The following ACSS3 variants were observed in gnomAD, a reference collection of about 807,000 sequenced individuals.
ACSS3 encodes acyl-CoA synthetase short chain family member 3, also known as acyl-CoA synthetase short-chain family member 3, mitochondrial.
Under a neutral mutation model 84.2 loss-of-function variants are expected in ACSS3, and 64 were observed. The observed-to-expected ratio is 0.76, with a 90% CI of 0.62 to 0.94. ACSS3 has a LOEUF of 0.94. ACSS3 is among the 40% of genes least tolerant of loss of function. The pLI is 0.00. For synonymous variants in ACSS3, 317 were observed against 310.1 expected, an observed-to-expected ratio of 1.02 and a Z score of -0.23; for missense variants, 815 against 867.6, an observed-to-expected ratio of 0.94 and a Z score of 0.76.
intron 9 of ACSS3, among the ~76,000 whole-genome samples, chr12:81,201,878 G>A (rs750778790): frequency 6.6e-6 from 1 of 152,142 alleles, no homozygotes; most frequent in Non-Finnish European, 1.5e-5. Context: ...CATTATAGGT[G>A]ATGCAGAGGT....
chr12:81,195,358 T>G (rs1299312431), intron 8 of ACSS3, among the ~76,000 whole-genome samples: 1 of 152,056 alleles, frequency 6.6e-6, no homozygotes, highest in African/African-American at 2.4e-5. Flanking sequence ...TTTAAAGTTA[T>G]AGGTATATCA....
chr12:81,199,563 G>C (rs2032007418), intron 9 of ACSS3, 119 bp downstream of exon 9: 1 of 1,463,854 alleles, frequency 6.8e-7, no homozygotes, highest in East Asian at 2.5e-5. Flanking sequence ...GATTCGAGTG[G>C]TTCAGGTTTC....
rs879451058 is a variant in ACSS3 at position 81,102,064 on chromosome 12, CACACAT to C, written c.312-7494_312-7489del. ...GCACACGCACACACACACACACACA[CACACAT>C]ATTCTAGCACATACATATATATATA... On this transcript the variant is annotated intron_variant, in intron 1 of 15. Coordinates refer to ENST00000548058, the MANE Select transcript of ACSS3 (RefSeq NM_024560.4). 4.1e-3 allele frequency among the ~76,000 whole-genome samples: 617 copies of C among 151,810 alleles called. 5 individuals carry two copies. The highest frequency in any genetic ancestry group is 0.014 in the African/African-American group (587 of 41,388).
chr12:81,094,563 T>C (rs1881900848), intron 1 of ACSS3: 1 of 152,176 alleles, frequency 6.6e-6, no homozygotes, highest in Non-Finnish European at 1.5e-5. Flanking sequence ...AAATGATTGA[T>C]TGTATTCCCT....
chr12:81,243,307 G>C (rs866505241), intron 13 of ACSS3, among the ~76,000 whole-genome samples: 3 of 152,142 alleles, frequency 2.0e-5, no homozygotes, highest in Non-Finnish European at 2.9e-5. Flanking sequence ...TACAACGGAC[G>C]TGAAGGACCT....
intron 7 of ACSS3, among the ~76,000 whole-genome samples, chr12:81,166,054 A>G (rs1327943673): frequency 6.6e-6 from 1 of 152,172 alleles, no homozygotes; most frequent in Non-Finnish European, 1.5e-5. Flanking sequence ...CAGTGACACA[A>G]TGGGGCTGGA....
At chr12:81,163,579 A>G (rs1219693270) in intron 7 of ACSS3, among the ~76,000 whole-genome samples, 3 of 152,218 alleles carry the variant, frequency 2.0e-5, no homozygotes, top group Non-Finnish European at 4.4e-5. Context: ...AGTCTCAGAC[A>G]GATCCTTCAG....
At chr12:81,111,040 C>A (rs1439897781) in intron 2 of ACSS3, among the ~76,000 whole-genome samples, 1 of 152,018 alleles carries the variant, frequency 6.6e-6, no homozygotes, top group Non-Finnish European at 1.5e-5. Context: ...TGAGTTGTTG[C>A]AAATAAGAGA....
chr12:81,244,100 C>T (rs796247947), intron 13 of ACSS3, among the ~76,000 whole-genome samples: 2 of 151,920 alleles, frequency 1.3e-5, no homozygotes, highest in Non-Finnish European at 2.9e-5. Context: ...GATAATTTTC[C>T]ACAATATAGC....
chr12:81,119,633 T>C (rs1387127207), intron 2 of ACSS3, among the ~76,000 whole-genome samples: 1 of 152,066 alleles, frequency 6.6e-6, no homozygotes, highest in African/African-American at 2.4e-5. Flanking sequence ...CAGTGATATC[T>C]TCCCTACTTG....
chr12:81,136,732 T>C (rs958056169), intron 3 of ACSS3, among the ~76,000 whole-genome samples: 2 of 152,140 alleles, frequency 1.3e-5, no homozygotes, highest in African/African-American at 4.8e-5. Context: ...CTGAACTGGA[T>C]TCTGTTAATG....
chr12:81,089,133 TAAG>T (rs1881507549), intron 1 of ACSS3, among the ~76,000 whole-genome samples: 2 of 151,974 alleles, frequency 1.3e-5, no homozygotes, highest in South Asian at 4.1e-4. Context: ...GTTATTTTTA[TAAG>T]AACATGATAA....
chr12:81,142,995 A>C, intron 4 of ACSS3, 112 bp from the exon 5 acceptor site: 128 of 932,228 alleles, frequency 1.4e-4, no homozygotes, highest in Non-Finnish European at 1.8e-4. Context: ...TCAGTGCCAT[A>C]TAGGCCTAGA....
chr12:81,201,339 C>T (rs1330397122), intron 9 of ACSS3, among the ~76,000 whole-genome samples: 3 of 152,222 alleles, frequency 2.0e-5, no homozygotes, highest in African/African-American at 7.2e-5. Context: ...TGACCCGACA[C>T]AAACGCTTGC....
Position 81,109,604 on chromosome 12 carries a change from G to GAACATTGGTAAATTTCAATT in ACSS3, c.356_357insAACATTGGTAAATTTCAATT (p.His120ThrfsTer65). 3.1e-6 allele frequency: 5 copies of GAACATTGGTAAATTTCAATT among 1,612,098 alleles called. No homozygotes were observed. Among genetic ancestry groups the GAACATTGGTAAATTTCAATT allele is most frequent in the Non-Finnish European group, 4.2e-6 (5 of 1,179,094 alleles). Reference sequence around the variant, plus strand: ...AACATTTGTTACAATGCCGTTGATCGTCATATTGAAAATGGTAAAGGGGAT... The same window carrying GAACATTGGTAAATTTCAATT: ...AACATTTGTTACAATGCCGTTGATCGAACATTGGTAAATTTCAATTTCATATTGAAAATGGTAAAGGGGAT... On this transcript the variant is annotated frameshift_variant, in exon 2 of 16. Transcript: ENST00000548058. LOFTEE classifies it high-confidence loss of function.
intron 7 of ACSS3, among the ~76,000 whole-genome samples, chr12:81,162,034 C>T (rs756113130): frequency 2.0e-5 from 3 of 152,174 alleles, no homozygotes; most frequent in Non-Finnish European, 4.4e-5. Context: ...GCCCTTCTCT[C>T]CTTCTTGTCA....
intron 9 of ACSS3, among the ~76,000 whole-genome samples, chr12:81,207,266 C>T (rs781246135): frequency 6.6e-6 from 1 of 152,154 alleles, no homozygotes. Context: ...CCCTGATACA[C>T]GTAAACCCCT....
At chr12:81,139,746 C>T (rs954884391) in intron 4 of ACSS3, among the ~76,000 whole-genome samples, 5 of 151,572 alleles carry the variant, frequency 3.3e-5, no homozygotes, top group Admixed American at 3.3e-4. Context: ...TGCCATTCTC[C>T]TGCCTCAGCC....
At chr12:81,243,996 TAAC>T (rs1324333502) in intron 13 of ACSS3, among the ~76,000 whole-genome samples, 1 of 152,172 alleles carries the variant, frequency 6.6e-6, no homozygotes, top group African/African-American at 2.4e-5. Flanking sequence ...CCAAATAACT[TAAC>T]ATTTCTTGCA....
Sources: gnomAD v4.1 joint callset for allele counts (sites outside exome capture counted in the v4.1 genomes callset) on GRCh38, gnomAD v4.1.1 for gene constraint, MANE v1.5 for transcripts, NCBI Gene and HGNC (gene_info 2026-07-23, HGNC 2026-07-21) for gene names.